Variants in SUGCT observed in about 807,000 individuals in gnomAD.
SUGCT encodes succinyl-CoA:glutarate-CoA transferase.
Under a neutral mutation model 55.0 loss-of-function variants are expected in SUGCT, and 41 were observed. The observed-to-expected ratio is 0.74, with a 90% CI of 0.58 to 0.97. SUGCT has a LOEUF of 0.97. Ranked by LOEUF, SUGCT falls within the 50% of genes least tolerant of loss-of-function variation. The probability of loss-of-function intolerance (pLI) is 0.00; values close to 1 mark genes in which losing one functional copy is unlikely to be tolerated. For missense variants in SUGCT, 568 were observed against 547.8 expected (o/e 1.04, Z -0.37); for synonymous variants, 187 against 200.4 (o/e 0.93, Z 0.56).
intron 6 of SUGCT, among the ~76,000 whole-genome samples, chr7:40,229,711 G>A (rs1397272496): frequency 6.6e-6 from 1 of 151,726 alleles, no homozygotes; most frequent in Non-Finnish European, 1.5e-5. Flanking sequence ...CTACTCGGGA[G>A]GCTGAGGCAG....
chr7:40,323,107 C>T (rs952993869), intron 9 of SUGCT, among the ~76,000 whole-genome samples: 1 of 148,912 alleles, frequency 6.7e-6, no homozygotes, highest in South Asian at 2.2e-4. Flanking sequence ...CCATATGGCT[C>T]TGTTAATCTC....
chr7:40,618,337 C>T (rs909337170), intron 12 of SUGCT, among the ~76,000 whole-genome samples: 1 of 152,286 alleles, frequency 6.6e-6, no homozygotes. Context: ...TTGACTGTCT[C>T]ACAGTCCACA....
At chr7:40,206,102 A>G (rs1786959310) in intron 6 of SUGCT, among the ~76,000 whole-genome samples, 1 of 152,208 alleles carries the variant, frequency 6.6e-6, no homozygotes. Flanking sequence ...CACAAATTGA[A>G]TGTTTTATAG....
chr7:40,748,271 T>C (rs1224131577), intron 12 of SUGCT, among the ~76,000 whole-genome samples: 1 of 152,162 alleles, frequency 6.6e-6, no homozygotes, highest in Admixed American at 6.5e-5. Context: ...ATAAAGATAG[T>C]ATTTGATTTT....
chr7:40,227,196 G>A (rs1404176984), intron 6 of SUGCT, among the ~76,000 whole-genome samples: 8 of 151,578 alleles, frequency 5.3e-5, no homozygotes, highest in South Asian at 2.1e-4. Flanking sequence ...ACAGGCACCC[G>A]CCACCACGCC....
chr7:40,698,194 T>C (rs936414205), intron 12 of SUGCT, among the ~76,000 whole-genome samples: 5 of 152,076 alleles, frequency 3.3e-5, no homozygotes, highest in African/African-American at 1.2e-4. Context: ...GTGAAGGCCT[T>C]TGGAGAGGTA....
At chr7:40,372,038 A>G (rs1431040367) in intron 9 of SUGCT, among the ~76,000 whole-genome samples, 1 of 152,030 alleles carries the variant, frequency 6.6e-6, no homozygotes, top group East Asian at 1.9e-4. Flanking sequence ...GGATTATGAA[A>G]CACATACTGC....
At chr7:40,351,069 T>C (rs1797609357) in intron 9 of SUGCT, among the ~76,000 whole-genome samples, 1 of 152,118 alleles carries the variant, frequency 6.6e-6, no homozygotes, top group Non-Finnish European at 1.5e-5. Context: ...CTTAATGATT[T>C]TGAATGTTTT....
intron 11 of SUGCT, among the ~76,000 whole-genome samples, chr7:40,493,963 AC>A (rs1251097588): frequency 3.9e-5 from 6 of 152,250 alleles, no homozygotes; most frequent in Admixed American, 2.0e-4. Flanking sequence ...TTCCACACCC[AC>A]ACCCACGCAA....
chr7:40,722,626 A>G (rs1786404723), intron 12 of SUGCT, among the ~76,000 whole-genome samples: 1 of 152,320 alleles, frequency 6.6e-6, no homozygotes. Flanking sequence ...CTAAAACCTC[A>G]TGGTTTGTCC....
intron 11 of SUGCT, among the ~76,000 whole-genome samples, chr7:40,465,095 A>G (rs1303228995): frequency 6.6e-6 from 1 of 152,212 alleles, no homozygotes; most frequent in Non-Finnish European, 1.5e-5. Flanking sequence ...ACAGCATTAG[A>G]TAAGTTCGCC....
At chr7:40,600,060 T>C (rs1244391280) in intron 12 of SUGCT, among the ~76,000 whole-genome samples, 2 of 152,192 alleles carry the variant, frequency 1.3e-5, no homozygotes, top group Admixed American at 6.5e-5. Context: ...CCGTCAGCAG[T>C]TCTTCTTTCT....
chr7:40,865,933 C>G, the SUGCT span, among the ~76,000 whole-genome samples: 1 of 152,152 alleles, frequency 6.6e-6, no homozygotes, highest in Admixed American at 6.5e-5. Flanking sequence ...CCACATCGCT[C>G]CCCATGCCTC....
At chr7:40,664,147 A>G (rs2151858909) in intron 12 of SUGCT, among the ~76,000 whole-genome samples, 1 of 152,234 alleles carries the variant, frequency 6.6e-6, no homozygotes, top group East Asian at 1.9e-4. Flanking sequence ...TTCGATTTCT[A>G]CCCTCTAAAG....
the SUGCT span, among the ~76,000 whole-genome samples, chr7:40,933,547 C>T: frequency 6.6e-6 from 1 of 152,296 alleles, no homozygotes; most frequent in East Asian, 1.9e-4. Flanking sequence ...TGGTTCCATT[C>T]TTCCCATCAC....
chr7:40,648,607 G>A (rs1480857248), intron 12 of SUGCT, among the ~76,000 whole-genome samples: 1 of 152,220 alleles, frequency 6.6e-6, no homozygotes, highest in Non-Finnish European at 1.5e-5. Flanking sequence ...TAGTTGATTA[G>A]GGTTGGCCCT....
At chr7:40,816,635 A>G (rs1313454742) in intron 13 of SUGCT, among the ~76,000 whole-genome samples, 4 of 152,226 alleles carry the variant, frequency 2.6e-5, no homozygotes, top group Non-Finnish European at 5.9e-5. Flanking sequence ...GAAAGTTCAC[A>G]GAGTTGATCT....
rs371945593 is a variant in SUGCT at position 40,558,098 on chromosome 7, C to CAA, written c.1089+61724_1089+61725dup. Among the ~76,000 whole-genome samples the CAA allele has an allele frequency of 5.3e-4, 65 of 121,654 alleles. 1 individual carries two copies. Among genetic ancestry groups the CAA allele is most frequent in the African/African-American group, 1.7e-3 (59 of 35,472 alleles). 79.8% of individuals were successfully genotyped at this position (121,654 alleles called of 152,430 possible). On this transcript the variant is annotated intron_variant, in intron 12 of 13. Coordinates refer to ENST00000335693, the MANE Select transcript of SUGCT (RefSeq NM_001193313.2). ...CACTCATTGGGATGGCTATTCCATA[C>CAA]AAAAAAAAAAAAACCAGAAAATAAA...
chr7:40,299,261 A>G (rs1344691906), intron 8 of SUGCT, among the ~76,000 whole-genome samples: 1 of 152,214 alleles, frequency 6.6e-6, no homozygotes, highest in African/African-American at 2.4e-5. Flanking sequence ...GGTGATGGAT[A>G]TGGACTAAAG....
Sources: gnomAD v4.1 joint callset for allele counts (sites outside exome capture counted in the v4.1 genomes callset) on GRCh38, gnomAD v4.1.1 for gene constraint, MANE v1.5 for transcripts, NCBI Gene and HGNC (gene_info 2026-07-23, HGNC 2026-07-21) for gene names.